Variants in PDE10A observed in about 807,000 individuals in gnomAD.
PDE10A encodes the protein phosphodiesterase 10A, also known as cAMP and cAMP-inhibited cGMP 3',5'-cyclic phosphodiesterase 10A.
PDE10A carries 39 observed loss-of-function variants against 97.7 expected under a neutral mutation model. The observed-to-expected ratio is 0.40, with a 90% CI of 0.31 to 0.52. The LOEUF is 0.52. Among genes scored for constraint, PDE10A ranks in the 20% least tolerant of loss-of-function variants. PDE10A has a pLI of 0.56. For synonymous variants in PDE10A, 371 were observed against 376.8 expected (o/e 0.98, Z 0.18); for missense variants, 731 against 1,047.8 (o/e 0.70, Z 4.17).
At chr6:165,930,140 GC>G (rs1177457023) in intron 1 of PDE10A, among the ~76,000 whole-genome samples, 1 of 151,854 alleles carries the variant, frequency 6.6e-6, no homozygotes, top group Non-Finnish European at 1.5e-5. Flanking sequence ...TAATGACCAG[GC>G]ACATATCACT....
At chr6:165,943,342 A>AG (rs1783643046) in intron 1 of PDE10A, among the ~76,000 whole-genome samples, 1 of 109,884 alleles carries the variant, frequency 9.1e-6, no homozygotes, top group African/African-American at 4.6e-5. Flanking sequence ...AGAAAGAAAG[A>AG]AAAGAGAAAG....
chr6:165,387,903 A>C (rs180704230), intron 17 of PDE10A, among the ~76,000 whole-genome samples: 11 of 152,190 alleles, frequency 7.2e-5, no homozygotes, highest in Non-Finnish European at 1.2e-4. Context: ...ATACAGTGTA[A>C]AAAAAGAAAG....
chr6:165,557,914 T>G (rs1256532115), intron 1 of PDE10A, among the ~76,000 whole-genome samples: 3 of 152,196 alleles, frequency 2.0e-5, no homozygotes, highest in Admixed American at 6.5e-5. Flanking sequence ...ACATGAAGTA[T>G]AGCTGACGTG....
chr6:165,606,375 T>C (rs181678128), intron 1 of PDE10A, among the ~76,000 whole-genome samples: 1 of 152,260 alleles, frequency 6.6e-6, no homozygotes, highest in Non-Finnish European at 1.5e-5. Context: ...ACTGTCCACA[T>C]GCATAAAGTT....
chr6:165,465,090 T>A (rs187182972), intron 3 of PDE10A, among the ~76,000 whole-genome samples: 142 of 152,336 alleles, frequency 9.3e-4, no homozygotes, highest in Non-Finnish European at 1.8e-3. Context: ...CCCCCCTTTT[T>A]TCAGTGCTTT....
chr6:165,442,200 A>T (rs553446770), intron 5 of PDE10A, among the ~76,000 whole-genome samples: 14 of 152,228 alleles, frequency 9.2e-5, no homozygotes, highest in East Asian at 3.9e-4. Flanking sequence ...CGTGCAGGTT[A>T]GTTACATATG....
chr6:165,405,928 C>T (rs538464), intron 13 of PDE10A, among the ~76,000 whole-genome samples: 28,590 of 152,048 alleles, frequency 0.19, 3,031 homozygotes, highest in African/African-American at 0.27. Context: ...TATATAAACA[C>T]AGGACATGAA....
chr6:165,407,928 G>A (rs1009823172), intron 13 of PDE10A, among the ~76,000 whole-genome samples: 4 of 152,142 alleles, frequency 2.6e-5, no homozygotes, highest in East Asian at 1.9e-4. Flanking sequence ...AATCAGAGAC[G>A]TTCCCCTTTA....
chr6:165,399,743 A>G (rs1282205689), intron 13 of PDE10A, among the ~76,000 whole-genome samples: 1 of 152,174 alleles, frequency 6.6e-6, no homozygotes, highest in Non-Finnish European at 1.5e-5. Context: ...TGTCCCTACA[A>G]AGGACATGAA....
intron 1 of PDE10A, among the ~76,000 whole-genome samples, chr6:165,850,082 C>G (rs146231143): frequency 1.3e-5 from 2 of 152,172 alleles, no homozygotes; most frequent in African/African-American, 2.4e-5. Flanking sequence ...ACACGAGCAT[C>G]AAAATTTAAC....
intron 1 of PDE10A, among the ~76,000 whole-genome samples, chr6:165,623,684 C>A (rs934387289): frequency 6.6e-6 from 1 of 152,176 alleles, no homozygotes; most frequent in Admixed American, 6.5e-5. Context: ...TCACCAGTGG[C>A]CTCTCAGTTG....
intron 19 of PDE10A, among the ~76,000 whole-genome samples, chr6:165,339,725 A>G (rs542193233): frequency 1.3e-5 from 2 of 152,358 alleles, no homozygotes; most frequent in East Asian, 3.9e-4. Flanking sequence ...TTCCAAGTGC[A>G]TGGAACTCAG....
intron 1 of PDE10A, among the ~76,000 whole-genome samples, chr6:165,714,479 G>C (rs1791977852): frequency 6.6e-6 from 1 of 152,256 alleles, no homozygotes; most frequent in Non-Finnish European, 1.5e-5. Context: ...GGAATAGACA[G>C]AGATCGACAC....
At chr6:165,437,086 T>C (rs1477319827) in intron 5 of PDE10A, among the ~76,000 whole-genome samples, 1 of 152,182 alleles carries the variant, frequency 6.6e-6, no homozygotes, top group Non-Finnish European at 1.5e-5. Flanking sequence ...GTGGTTTAGA[T>C]AACTCTTAAA....
intron 1 of PDE10A, among the ~76,000 whole-genome samples, chr6:165,874,536 T>C (rs1287611174): frequency 6.6e-6 from 1 of 152,214 alleles, no homozygotes; most frequent in Non-Finnish European, 1.5e-5. Flanking sequence ...TAAAATATTA[T>C]CAAAAATGAT....
At chr6:165,415,493 C>A (rs1284492498) in intron 12 of PDE10A, among the ~76,000 whole-genome samples, 1 of 152,154 alleles carries the variant, frequency 6.6e-6, no homozygotes, top group African/African-American at 2.4e-5. Flanking sequence ...AATCAAATTA[C>A]ATAATTGGGT....
At chr6:165,592,172 A>T (rs1282471569) in intron 1 of PDE10A, among the ~76,000 whole-genome samples, 3 of 152,196 alleles carry the variant, frequency 2.0e-5, no homozygotes, top group Non-Finnish European at 4.4e-5. Flanking sequence ...CAACCATCTG[A>T]TCTTTGACAA....
At chr6:165,857,032 A>G (rs1290756806) in intron 1 of PDE10A, among the ~76,000 whole-genome samples, 1 of 152,208 alleles carries the variant, frequency 6.6e-6, no homozygotes, top group African/African-American at 2.4e-5. Flanking sequence ...CAAATTCATC[A>G]CCCAAGATAC....
At chr6:165,947,937 T>A (rs300106) in intron 1 of PDE10A, among the ~76,000 whole-genome samples, 73,532 of 151,882 alleles carry the variant, frequency 0.48, 19,547 homozygotes, top group African/African-American at 0.72. Flanking sequence ...CAGACTGGAA[T>A]GGCATAAGAT....
Sources: gnomAD v4.1 joint callset for allele counts (sites outside exome capture counted in the v4.1 genomes callset) on GRCh38, gnomAD v4.1.1 for gene constraint, MANE v1.5 for transcripts, NCBI Gene and HGNC (gene_info 2026-07-23, HGNC 2026-07-21) for gene names.